GREB1L: variants seen among roughly 807,000 people sequenced by gnomAD.
The protein encoded by GREB1L is GREB1-like protein.
Under a neutral mutation model 200.8 loss-of-function variants are expected in GREB1L, and 17 were observed. That is an observed-to-expected ratio of 0.08 (90% CI 0.06 to 0.13). The LOEUF (loss-of-function observed/expected upper bound fraction) is 0.13, where lower values mean the gene tolerates loss of function less well. GREB1L is among the 10% of genes least tolerant of loss of function. The pLI is 1.00. For missense variants in GREB1L, 1,657 were observed against 2,367.7 expected (o/e 0.70, Z 6.23); for synonymous variants, 789 against 893.0 (o/e 0.88, Z 2.08).
chr18:21,368,611 C>A (rs2039760407), intron 2 of GREB1L, among the ~76,000 whole-genome samples: 1 of 152,064 alleles, frequency 6.6e-6, no homozygotes. Context: ...TTTGTTCAGC[C>A]CCTAATTCAC....
intron 11 of GREB1L, among the ~76,000 whole-genome samples, chr18:21,449,203 G>T (rs1343778646): frequency 6.6e-6 from 1 of 152,158 alleles, no homozygotes; most frequent in Non-Finnish European, 1.5e-5. Flanking sequence ...CATGTGCAAG[G>T]ACCAGCTCCG....
chr18:21,389,421 G>A (rs1230340310), intron 4 of GREB1L, among the ~76,000 whole-genome samples: 2 of 147,302 alleles, frequency 1.4e-5, no homozygotes, highest in Non-Finnish European at 3.0e-5. Flanking sequence ...AAGGGAAGGA[G>A]GTTAGGCACA....
intron 1 of GREB1L, among the ~76,000 whole-genome samples, chr18:21,338,607 C>T (rs2039222685): frequency 1.3e-5 from 2 of 152,378 alleles, no homozygotes; most frequent in South Asian, 2.1e-4. Context: ...ACCCACTCCA[C>T]CTCACTTGTC....
At chr18:21,482,066 T>C (rs1272286442) in intron 17 of GREB1L, among the ~76,000 whole-genome samples, 7 of 152,196 alleles carry the variant, frequency 4.6e-5, no homozygotes, top group Non-Finnish European at 7.3e-5. Context: ...TAGAAGTAGA[T>C]CAGTCAGTGG....
intron 25 of GREB1L, among the ~76,000 whole-genome samples, chr18:21,506,352 G>A (rs1048742354): frequency 2.0e-5 from 3 of 151,228 alleles, no homozygotes; most frequent in Admixed American, 6.6e-5. Flanking sequence ...CCGAGACCAC[G>A]CCACTGCACT....
chr18:21,339,513 G>T (rs2145131537), intron 1 of GREB1L, among the ~76,000 whole-genome samples: 1 of 152,322 alleles, frequency 6.6e-6, no homozygotes, highest in African/African-American at 2.4e-5. Flanking sequence ...AGCTTAGCCT[G>T]AAAAGCATAT....
At chr18:21,486,796 T>C (rs2036145034) in intron 18 of GREB1L, among the ~76,000 whole-genome samples, 1 of 152,212 alleles carries the variant, frequency 6.6e-6, no homozygotes, top group African/African-American at 2.4e-5. Flanking sequence ...TGTTTGATCA[T>C]CCAATGTTGG....
intron 7 of GREB1L, among the ~76,000 whole-genome samples, chr18:21,438,919 C>A (rs1458968170): frequency 1.4e-5 from 2 of 145,324 alleles, no homozygotes; most frequent in Non-Finnish European, 3.0e-5. Context: ...CAAGATCGCA[C>A]CACTGCACTC....
Position 21,522,966 on chromosome 18 carries a change from A to G in GREB1L, c.*145A>G, listed in dbSNP as rs926120973. The G allele has an allele frequency of 3.8e-5, 27 of 703,968 alleles. No individual in the cohort carries two copies. Among genetic ancestry groups the G allele is most frequent in the Non-Finnish European group, 5.9e-5 (26 of 444,248 alleles). The allele number at this position is 703,968 out of a possible 1,614,324, so 43.6% of individuals were successfully genotyped here. On this transcript the variant is annotated 3_prime_UTR_variant, in exon 33 of 33. Transcript: ENST00000424526. The stretch of plus-strand genomic sequence containing the variant: ...CTAAATTCTCCAAAGAACTCCCCAA[A>G]TCTGATCCAGGTCTTTGGGGACATC...
chr18:21,463,279 G>A (rs2035131809), intron 15 of GREB1L, among the ~76,000 whole-genome samples: 1 of 151,310 alleles, frequency 6.6e-6, no homozygotes, highest in Admixed American at 6.6e-5. Flanking sequence ...CCAAGTAGGT[G>A]GGACCACAAG....
rs570193512 is a variant in GREB1L at position 21,304,468 on chromosome 18, C to A, written c.-119-61559C>A. 1.1e-4 allele frequency among the ~76,000 whole-genome samples: 17 copies of A among 151,996 alleles called. No homozygotes were observed. In the East Asian group the frequency reaches 3.3e-3, roughly 29 times the overall value. On this transcript the variant is annotated intron_variant, in intron 1 of 32. Coordinates refer to ENST00000424526, the MANE Select transcript of GREB1L (RefSeq NM_001142966.3). ...ATAGAGGACATTTAAAGACACAGTC[C>A]CCACCTTTCTCAAGTGTATGTTTTT...
chr18:21,325,527 A>C (rs2039009063), intron 1 of GREB1L, among the ~76,000 whole-genome samples: 1 of 152,084 alleles, frequency 6.6e-6, no homozygotes, highest in African/African-American at 2.4e-5. Flanking sequence ...AATTATAATA[A>C]ACTAGGGCCT....
chr18:21,329,508 C>T (rs1216193891), intron 1 of GREB1L, among the ~76,000 whole-genome samples: 1 of 151,796 alleles, frequency 6.6e-6, no homozygotes, highest in Non-Finnish European at 1.5e-5. Flanking sequence ...AAAGATACTC[C>T]TTTTGAACTT....
In GREB1L at chr18:21,510,147, G is replaced by A. The variant is rs148553335; in HGVS notation, c.4735+1556G>A. Among the ~76,000 whole-genome samples the A allele has an allele frequency of 1.3e-4, 19 of 151,642 alleles. No homozygotes were observed. In the East Asian group the frequency reaches 3.5e-3, roughly 28 times the overall value. On this transcript the variant is annotated intron_variant, in intron 27 of 32. Coordinates refer to ENST00000424526, the MANE Select transcript of GREB1L (RefSeq NM_001142966.3). ...GAGAATCACTTGAACCCGGGAGCTG[G>A]TGGCGGCAGTGAGCCAAGATCATGC...
At chr18:21,494,187 C>A (rs1568057071) in intron 19 of GREB1L, among the ~76,000 whole-genome samples, 1 of 152,058 alleles carries the variant, frequency 6.6e-6, no homozygotes, top group South Asian at 2.1e-4. Context: ...ATCTTTTTGA[C>A]ACATTGATTT....
chr18:21,339,111 C>G lies in GREB1L; in HGVS notation c.-119-26916C>G, dbSNP rs144668551. Among the ~76,000 whole-genome samples the G allele has an allele frequency of 8.1e-3, 1,226 of 151,816 alleles. 25 individuals carry two copies. The highest frequency in any genetic ancestry group is 0.028 in the African/African-American group (1,173 of 41,368). ...CTGAGGCAGGAGAATTGCTTGAACC[C>G]AGGAGGCTGAGGTTGCAGTGAGCCG... On this transcript the variant is annotated intron_variant, in intron 1 of 32. Transcript: ENST00000424526.
intron 1 of GREB1L, among the ~76,000 whole-genome samples, chr18:21,254,110 C>G (rs1355487960): frequency 7.4e-6 from 1 of 135,944 alleles, no homozygotes; most frequent in Non-Finnish European, 1.5e-5. Flanking sequence ...CGCTCTGTCT[C>G]CCAGGCTGGA....
At chr18:21,455,657 A>G (rs990105349) in intron 15 of GREB1L, among the ~76,000 whole-genome samples, 1 of 151,758 alleles carries the variant, frequency 6.6e-6, no homozygotes, top group African/African-American at 2.4e-5. Context: ...AGTCTGGGTG[A>G]CAGAGTGAGA....
intron 15 of GREB1L, among the ~76,000 whole-genome samples, chr18:21,471,741 C>A (rs1661663842): frequency 6.6e-6 from 1 of 151,912 alleles, no homozygotes; most frequent in African/African-American, 2.4e-5. Context: ...CCTCCTCAGC[C>A]TTCTGAGTAG....
Sources: allele counts gnomAD v4.1 joint callset (sites outside exome capture counted in the v4.1 genomes callset), GRCh38; gene constraint gnomAD v4.1.1; transcripts MANE v1.5; gene names NCBI Gene and HGNC (gene_info 2026-07-23, HGNC 2026-07-21).